The following AOPEP variants were observed in gnomAD, a reference collection of about 807,000 sequenced individuals.
The protein encoded by AOPEP is aminopeptidase O (putative).
Under a neutral mutation model 98.1 loss-of-function variants are expected in AOPEP, and 77 were observed. The ratio of observed to expected loss-of-function variants is 0.78; its 90% CI spans 0.65 to 0.95. The LOEUF (loss-of-function observed/expected upper bound fraction) is 0.95. Among genes scored for constraint, AOPEP ranks in the 40% least tolerant of loss-of-function variants. The pLI is 0.00. For synonymous variants in AOPEP, 346 were observed against 365.3 expected, an observed-to-expected ratio of 0.95 and a Z score of 0.60; for missense variants, 1,024 against 1,024.7, an observed-to-expected ratio of 1.00 and a Z score of 0.01.
At chr9:94,927,794 T>C (rs564658809) in intron 6 of AOPEP, among the ~76,000 whole-genome samples, 3 of 152,360 alleles carry the variant, frequency 2.0e-5, no homozygotes, top group East Asian at 3.9e-4. Flanking sequence ...CACCCGTGGA[T>C]AGACGTCTTC....
At chr9:95,107,614 T>TATCA in the AOPEP span, 2 of 414,944 alleles carry the variant, frequency 4.8e-6, no homozygotes, top group Non-Finnish European at 9.0e-6. Flanking sequence ...AAGACTCGCC[T>TATCA]ATCACAGCCA....
chr9:94,923,797 A>G (rs1178740643), intron 5 of AOPEP, among the ~76,000 whole-genome samples, 189 bp from the exon 6 acceptor site: 1 of 152,176 alleles, frequency 6.6e-6, no homozygotes, highest in African/African-American at 2.4e-5. Context: ...GGCCACCTGA[A>G]CTACAGCCAG....
intron 16 of AOPEP, among the ~76,000 whole-genome samples, chr9:95,083,389 G>A (rs1443684011): frequency 1.4e-5 from 2 of 138,038 alleles, no homozygotes; most frequent in Non-Finnish European, 3.1e-5. Context: ...GGCACACACA[G>A]CACACACAGC....
At chr9:94,807,615 G>A (rs1045034489) in intron 5 of AOPEP, among the ~76,000 whole-genome samples, 12 of 152,118 alleles carry the variant, frequency 7.9e-5, no homozygotes, top group Admixed American at 7.2e-4. Flanking sequence ...TTTCTTTACC[G>A]AAGCATCATT....
the AOPEP span, chr9:95,135,530 A>T: frequency 6.2e-7 from 1 of 1,607,304 alleles, no homozygotes; most frequent in Non-Finnish European, 8.5e-7. Flanking sequence ...ACAAAATTTT[A>T]AACAGAAATG....
At chr9:94,988,877 A>G (rs1437058544) in intron 11 of AOPEP, among the ~76,000 whole-genome samples, 2 of 151,854 alleles carry the variant, frequency 1.3e-5, no homozygotes, top group Non-Finnish European at 2.9e-5. Flanking sequence ...TCATATTCTG[A>G]AATATATTCT....
chr9:95,061,014 C>CA, intron 14 of AOPEP: 1 of 474,570 alleles, frequency 2.1e-6, no homozygotes, highest in South Asian at 3.1e-5. Context: ...TAAGTTTTTC[C>CA]CTCTTCTTAA....
intron 13 of AOPEP, among the ~76,000 whole-genome samples, chr9:95,014,034 A>G (rs755379903): frequency 6.6e-6 from 1 of 152,256 alleles, no homozygotes; most frequent in Non-Finnish European, 1.5e-5. Context: ...CACAGTAGAT[A>G]TGAAGCCAAA....
intron 5 of AOPEP, among the ~76,000 whole-genome samples, chr9:94,872,150 G>A (rs1200060738): frequency 6.6e-6 from 1 of 152,206 alleles, no homozygotes; most frequent in African/African-American, 2.4e-5. Context: ...TTTTTGGGAT[G>A]AGTTTTTCTG....
intron 5 of AOPEP, among the ~76,000 whole-genome samples, chr9:94,852,043 G>A (rs2043615584): frequency 1.3e-5 from 2 of 152,138 alleles, no homozygotes; most frequent in South Asian, 2.1e-4. Context: ...CCAACAAGAA[G>A]CTTGTCACAG....
intron 13 of AOPEP, 62 bp from the exon 14 acceptor site, chr9:95,060,631 AT>A: frequency 9.4e-7 from 1 of 1,068,312 alleles, no homozygotes; most frequent in Non-Finnish European, 1.5e-6. Context: ...CAGTCTGAAC[AT>A]TTGGGTGTTG....
chr9:95,123,586 C>T, the AOPEP span: 406 of 581,166 alleles, frequency 7.0e-4, no homozygotes, highest in African/African-American at 5.5e-3. Flanking sequence ...AGCCTATTTG[C>T]GACACGAACT....
At chr9:95,031,911 C>T (rs1430773670) in intron 13 of AOPEP, among the ~76,000 whole-genome samples, 2 of 152,142 alleles carry the variant, frequency 1.3e-5, no homozygotes, top group Non-Finnish European at 2.9e-5. Flanking sequence ...TGCAGAGCCC[C>T]CGCCTCTTCT....
At chr9:94,958,034 A>G (rs796729609) in intron 9 of AOPEP, among the ~76,000 whole-genome samples, 3 of 151,974 alleles carry the variant, frequency 2.0e-5, no homozygotes, top group African/African-American at 7.2e-5. Flanking sequence ...ATATTTCATC[A>G]TGATAACCCT....
At chr9:94,772,188 C>T (rs921815193) in intron 2 of AOPEP, among the ~76,000 whole-genome samples, 5 of 152,126 alleles carry the variant, frequency 3.3e-5, no homozygotes, top group Non-Finnish European at 7.4e-5. Context: ...GAAACATTCT[C>T]CTGAGTTTTT....
At position 95,059,458 on chromosome 9, in the gene AOPEP, G is replaced by T. The variant is rs567057492; in HGVS notation, c.2116-1236G>T. On this transcript the variant is annotated intron_variant, in intron 13 of 16. Coordinates refer to ENST00000375315, the MANE Select transcript of AOPEP (RefSeq NM_001193329.3). ...CTAGTGGAATGGTGCGGTGGGTGTG[G>T]TGTTTGCAGTGCTTGCTGTCTGCCC... is the stretch of plus-strand genomic sequence containing the variant. Among the ~76,000 whole-genome samples the T allele has an allele frequency of 8.0e-4, 122 of 151,722 alleles. 1 individual carries two copies. The highest frequency in any genetic ancestry group is 2.8e-3 in the African/African-American group (115 of 41,338).
chr9:94,896,419 G>A (rs911848816), intron 5 of AOPEP, among the ~76,000 whole-genome samples: 1 of 152,196 alleles, frequency 6.6e-6, no homozygotes, highest in Non-Finnish European at 1.5e-5. Flanking sequence ...TGTGGACTGT[G>A]TATAGTGACT....
At chr9:95,075,937 A>G (rs1370529491) in intron 14 of AOPEP, among the ~76,000 whole-genome samples, 1 of 152,216 alleles carries the variant, frequency 6.6e-6, no homozygotes, top group Non-Finnish European at 1.5e-5. Flanking sequence ...AGCTGCCCCG[A>G]TGGGGATGGG....
chr9:95,042,216 G>T (rs1047918866), intron 13 of AOPEP, among the ~76,000 whole-genome samples: 1 of 151,968 alleles, frequency 6.6e-6, no homozygotes, highest in African/African-American at 2.4e-5. Context: ...GGAGGCTGAG[G>T]CAGGAGAGTG....
Sources: allele counts gnomAD v4.1 joint callset (sites outside exome capture counted in the v4.1 genomes callset), GRCh38; gene constraint gnomAD v4.1.1; transcripts MANE v1.5; gene names NCBI Gene and HGNC (gene_info 2026-07-23, HGNC 2026-07-21).